Variants in AKAP1 observed in about 807,000 individuals in gnomAD.
AKAP1 encodes A-kinase anchor protein 1, mitochondrial.
Under a neutral mutation model 79.8 loss-of-function variants are expected in AKAP1, and 32 were observed. That is an observed-to-expected ratio of 0.40 (90% confidence interval 0.30 to 0.54). AKAP1 has a LOEUF of 0.54. Ranked by LOEUF, AKAP1 falls within the 20% of genes least tolerant of loss-of-function variation. The pLI is 0.47. For missense variants in AKAP1, 961 were observed against 1,138.9 expected, an observed-to-expected ratio of 0.84 and a Z score of 2.25; for synonymous variants, 416 against 466.7, an observed-to-expected ratio of 0.89 and a Z score of 1.40.
intron 6 of AKAP1, among the ~76,000 whole-genome samples, chr17:57,115,482 G>A (rs1915524937): frequency 6.6e-6 from 1 of 152,164 alleles, no homozygotes; most frequent in Non-Finnish European, 1.5e-5. Flanking sequence ...TGGCCAGCGT[G>A]GGCAGCTGTT....
At chr17:57,099,011 C>T (rs929136930) in intron 1 of AKAP1, among the ~76,000 whole-genome samples, 8 of 151,802 alleles carry the variant, frequency 5.3e-5, no homozygotes, top group East Asian at 1.9e-4. Context: ...GTGATCTGCC[C>T]GCCTCGGCCT....
intron 4 of AKAP1, 124 bp downstream of exon 4, chr17:57,112,048 A>G: frequency 7.8e-7 from 1 of 1,286,188 alleles, no homozygotes; most frequent in Non-Finnish European, 1.1e-6. Context: ...CAGGGAAGGG[A>G]GCATTAGGTA....
chr17:57,120,130 C>CT (rs1477958533), intron 10 of AKAP1, 120 bp from the exon 11 acceptor site: 2 of 847,610 alleles, frequency 2.4e-6, no homozygotes, highest in Non-Finnish European at 1.9e-6. Context: ...CTGGCCTACA[C>CT]TGTTACTCTC....
At chr17:57,118,070 C>CAACT (rs1567918117) in intron 8 of AKAP1, among the ~76,000 whole-genome samples, 1 of 151,972 alleles carries the variant, frequency 6.6e-6, no homozygotes, top group Non-Finnish European at 1.5e-5. Flanking sequence ...TGCCAGCATC[C>CAACT]GAGTTGGTGG....
At chr17:57,094,653 C>T (rs909364713) in intron 1 of AKAP1, 1 of 150,282 alleles carries the variant, frequency 6.7e-6, no homozygotes, top group Non-Finnish European at 1.5e-5. Context: ...CACTGTCCCC[C>T]AGGCTGGAGT....
chr17:57,117,050 T>C, intron 8 of AKAP1, 123 bp downstream of exon 8: 1 of 1,022,204 alleles, frequency 9.8e-7, no homozygotes, highest in African/African-American at 1.6e-5. Flanking sequence ...CACTCAAGAG[T>C]TTCTGACTGA....
chr17:57,091,627 T>C (rs1913789608), intron 1 of AKAP1, among the ~76,000 whole-genome samples: 1 of 152,080 alleles, frequency 6.6e-6, no homozygotes, highest in Admixed American at 6.5e-5. Flanking sequence ...TGAGGACCCC[T>C]TGTTGCCCCA....
At chr17:57,088,925 A>G (rs1913618417) in intron 1 of AKAP1, among the ~76,000 whole-genome samples, 1 of 152,170 alleles carries the variant, frequency 6.6e-6, no homozygotes, top group Non-Finnish European at 1.5e-5. Flanking sequence ...GCCAGGTGTC[A>G]CTAAGGCCCA....
At position 57,086,822 on chromosome 17, in the gene AKAP1, A is replaced by G. The variant is rs537233492; in HGVS notation, c.-25+1424A>G. ...CTTTTTTTTTTTTAACTCTTTATTT[A>G]GAAAGCAAAGCTTGGACTCTTAGCA... On this transcript the variant is annotated intron_variant, in intron 1 of 10. Coordinates refer to ENST00000337714, the MANE Select transcript of AKAP1 (RefSeq NM_003488.4). This position sits in a 1 kb window ranked among gnomAD's most constrained non-coding sequence, Gnocchi z 5.1. 2.0e-5 allele frequency among the ~76,000 whole-genome samples: 3 copies of G among 149,420 alleles called. No homozygotes were observed. Among genetic ancestry groups the G allele is most frequent in the Admixed American group, 2.0e-4 (3 of 15,038 alleles).
At chr17:57,115,625 G>A (rs548397180) in intron 6 of AKAP1, among the ~76,000 whole-genome samples, 6 of 152,314 alleles carry the variant, frequency 3.9e-5, no homozygotes, top group African/African-American at 1.2e-4. Flanking sequence ...GAAGAAGGGG[G>A]TTTAGGCCCA....
intron 1 of AKAP1, among the ~76,000 whole-genome samples, chr17:57,103,189 GTGCTTCAAA>G (rs1227103818): frequency 6.6e-6 from 1 of 152,234 alleles, no homozygotes; most frequent in Non-Finnish European, 1.5e-5. Context: ...GCCCTGCATT[GTGCTTCAAA>G]TGCTATCATT....
In AKAP1 at chr17:57,118,080, G is replaced by C. The variant is rs1017521054; in HGVS notation, c.2501-301G>C. 2.6e-5 allele frequency among the ~76,000 whole-genome samples: 4 copies of C among 152,138 alleles called. No individual in the cohort carries two copies. The South Asian group carries it at 8.3e-4, about 32-fold the overall frequency. On this transcript the variant is annotated intron_variant, in intron 8 of 10. Coordinates refer to ENST00000337714, the MANE Select transcript of AKAP1 (RefSeq NM_003488.4). ...TGCACTGCCAGCATCCGAGTTGGTGGGGGTGGGGGTGGTGCTGCTGCTGGT... is the reference window on the plus strand; with the variant it reads ...TGCACTGCCAGCATCCGAGTTGGTGCGGGTGGGGGTGGTGCTGCTGCTGGT...
At chr17:57,118,085 G>A (rs1322330962) in intron 8 of AKAP1, among the ~76,000 whole-genome samples, 1 of 152,296 alleles carries the variant, frequency 6.6e-6, no homozygotes, top group African/African-American at 2.4e-5. Flanking sequence ...TGGTGGGGGT[G>A]GGGGTGGTGC....
At chr17:57,108,836 T>TGTTA (rs1308911851) in intron 2 of AKAP1, among the ~76,000 whole-genome samples, 1 of 152,138 alleles carries the variant, frequency 6.6e-6, no homozygotes, top group Non-Finnish European at 1.5e-5. Flanking sequence ...GGATGGCAGG[T>TGTTA]GTTAGCCAGT....
intron 3 of AKAP1, among the ~76,000 whole-genome samples, chr17:57,110,830 A>G (rs959006784): frequency 2.0e-5 from 3 of 152,138 alleles, no homozygotes; most frequent in South Asian, 2.1e-4. Flanking sequence ...CCCATTCCTG[A>G]GTGCTTAAGT....
chr17:57,120,509 T>G lies in AKAP1; in HGVS notation c.*185T>G, dbSNP rs138260977. On this transcript the variant is annotated 3_prime_UTR_variant, in exon 11 of 11. Coordinates refer to ENST00000337714, the MANE Select transcript of AKAP1 (RefSeq NM_003488.4). ...AAAAAGGATGGAACTATGGGTTCTC[T>G]TCGCAAAGCCAAAGGATAGTGTTTA... 436 of 530,176 alleles carry G rather than the reference T, an allele frequency of 8.2e-4. 3 individuals are homozygous for G. The East Asian group carries it at 0.011, about 13-fold the overall frequency. The allele number at this position is 530,176 out of a possible 1,614,324, so 32.8% of individuals were successfully genotyped here.
At chr17:57,119,338 G>A (rs192700697) in intron 10 of AKAP1, among the ~76,000 whole-genome samples, 121 of 152,278 alleles carry the variant, frequency 7.9e-4, no homozygotes, top group African/African-American at 2.8e-3. Context: ...CCCTGTGCGA[G>A]ACTTTCTGGG....
chr17:57,095,436 C>T (rs904914897), intron 1 of AKAP1: 6 of 146,530 alleles, frequency 4.1e-5, no homozygotes, highest in East Asian at 4.2e-4. Context: ...GGATTGTAGG[C>T]GTGAGCTACC....
chr17:57,092,286 A>G (rs1913830748), intron 1 of AKAP1: 1 of 152,202 alleles, frequency 6.6e-6, no homozygotes, highest in Non-Finnish European at 1.5e-5. Context: ...TGGAGCTGCT[A>G]ACTCCAGCCC....
Sources: gnomAD v4.1 joint callset for allele counts (sites outside exome capture counted in the v4.1 genomes callset) on GRCh38, gnomAD v4.1.1 for gene constraint, Gnocchi (gnomAD v3.1) non-coding constraint, MANE v1.5 for transcripts, NCBI Gene and HGNC (gene_info 2026-07-23, HGNC 2026-07-21) for gene names.